Variants in LRSAM1 observed in about 807,000 individuals in gnomAD.
LRSAM1 encodes the protein E3 ubiquitin-protein ligase LRSAM1.
Under a neutral mutation model 118.1 loss-of-function variants are expected in LRSAM1, and 96 were observed. That is an observed-to-expected ratio of 0.81 (90% CI 0.69 to 0.96). The LOEUF (loss-of-function observed/expected upper bound fraction) is 0.96. Among genes scored for constraint, LRSAM1 ranks in the 40% least tolerant of loss-of-function variants. The pLI, the probability that LRSAM1 is intolerant of heterozygous loss-of-function variation, is 0.00. For missense variants in LRSAM1, 804 were observed against 915.5 expected (o/e 0.88, Z 1.57); for synonymous variants, 322 against 364.2 (o/e 0.88, Z 1.32).
At chr9:127,453,770 A>C (rs916266046) in intron 2 of LRSAM1, 3 of 153,210 alleles carry the variant, frequency 2.0e-5, no homozygotes, top group African/African-American at 7.2e-5. Flanking sequence ...CTCAATGTTT[A>C]GTCAACAAAG....
chr9:127,501,507 G>GGGCA (rs1836392360), intron 25 of LRSAM1, among the ~76,000 whole-genome samples: 1 of 152,058 alleles, frequency 6.6e-6, no homozygotes, highest in Non-Finnish European at 1.5e-5. Flanking sequence ...CAAGGCAGGT[G>GGGCA]GATCACCTGA....
chr9:127,455,023 T>G lies in LRSAM1; in HGVS notation c.98T>G (p.Ile33Ser), dbSNP rs1276292442. ...GCAAAAGAAGCTGGGGCAGATGACA[T>G]TCTCGACATCTCTAAATGTGAGCTC... ...CLAKEAGADDILDISKCELSE... is the reference protein window; with the variant it reads ...CLAKEAGADDSLDISKCELSE... The change falls in exon 4 of 26, where the codon ATT (isoleucine) becomes AGT (serine). Residue 33 changes from isoleucine (I) to serine (S), a missense_variant. By Grantham distance (142) the Ile-to-Ser change is moderately radical (BLOSUM62 -2). Transcript: ENST00000300417. 1.1e-5 allele frequency: 17 copies of G among 1,614,044 alleles called. No homozygotes were observed. Among genetic ancestry groups the G allele is most frequent in the Non-Finnish European group, 1.3e-5 (15 of 1,180,006 alleles).
At chr9:127,455,722 T>A (rs1311724612) in intron 5 of LRSAM1, 102 bp downstream of exon 5, 2 of 1,088,232 alleles carry the variant, frequency 1.8e-6, no homozygotes, top group Non-Finnish European at 2.8e-6. Flanking sequence ...AGACACCTCC[T>A]TTCTCTCTGC....
At chr9:127,497,810 T>A (rs1359637301) in intron 24 of LRSAM1, among the ~76,000 whole-genome samples, 2 of 151,990 alleles carry the variant, frequency 1.3e-5, no homozygotes, top group East Asian at 3.9e-4. Flanking sequence ...GAGTCTGGGG[T>A]CTGCCATGTG....
At chr9:127,477,352 C>T (rs1191588267) in intron 11 of LRSAM1, among the ~76,000 whole-genome samples, 1 of 152,114 alleles carries the variant, frequency 6.6e-6, no homozygotes, top group Non-Finnish European at 1.5e-5. Flanking sequence ...AATTATATTC[C>T]TACCATTAGT....
intron 24 of LRSAM1, among the ~76,000 whole-genome samples, chr9:127,500,374 AAG>A (rs1491410994): frequency 6.6e-5 from 10 of 150,732 alleles, no homozygotes; most frequent in African/African-American, 2.2e-4. Context: ...AAAAAAAAAA[AAG>A]AGACTTAGCA....
intron 7 of LRSAM1, among the ~76,000 whole-genome samples, chr9:127,459,699 C>T (rs1170587688): frequency 6.6e-6 from 1 of 151,954 alleles, no homozygotes; most frequent in Non-Finnish European, 1.5e-5. Context: ...TCTGGGATTA[C>T]AGGCACACGC....
intron 3 of LRSAM1, 68 bp downstream of exon 3, chr9:127,454,667 G>A (rs543119820): frequency 6.6e-5 from 98 of 1,490,668 alleles, no homozygotes; most frequent in South Asian, 4.1e-4. Flanking sequence ...GTAGGCCTCC[G>A]CACTGCCCCC....
intron 13 of LRSAM1, 50 bp from the exon 14 acceptor site, chr9:127,479,789 C>G: frequency 6.3e-7 from 1 of 1,597,600 alleles, no homozygotes; most frequent in South Asian, 1.1e-5. Flanking sequence ...GTACCCCTCA[C>G]GGCGTCTGAG....
At chr9:127,464,229 C>G (rs983952086) in intron 9 of LRSAM1, among the ~76,000 whole-genome samples, 2 of 152,202 alleles carry the variant, frequency 1.3e-5, no homozygotes, top group Non-Finnish European at 2.9e-5. Flanking sequence ...GAGAAAGGGC[C>G]GGCTGGGGAG....
At chr9:127,484,228 C>T (rs1444175793) in intron 16 of LRSAM1, among the ~76,000 whole-genome samples, 2 of 148,178 alleles carry the variant, frequency 1.3e-5, no homozygotes, top group East Asian at 3.9e-4. Flanking sequence ...TCCTCGGGTT[C>T]ATCCATGTTA....
At chr9:127,475,283 G>A (rs1442359686) in intron 11 of LRSAM1, among the ~76,000 whole-genome samples, 2 of 152,096 alleles carry the variant, frequency 1.3e-5, no homozygotes, top group African/African-American at 4.8e-5. Flanking sequence ...TTGAGGCCAG[G>A]AGTTTGAGAC....
chr9:127,465,461 C>T lies in LRSAM1; in HGVS notation c.529-2279C>T, dbSNP rs1286948827. The stretch of plus-strand genomic sequence containing the variant: ...CAGCATCCTGGTATAGCCCACAGTC[C>T]GTGCCCTTAAGCCACCACGCTTTAC... On this transcript the variant is annotated intron_variant, in intron 9 of 25. Transcript: ENST00000300417. This position sits in a 1 kb window ranked among gnomAD's most constrained non-coding sequence, Gnocchi z 4.1. 1.3e-5 allele frequency among the ~76,000 whole-genome samples: 2 copies of T among 152,250 alleles called. No homozygotes were observed. The highest frequency in any genetic ancestry group is 2.4e-5 in the African/African-American group (1 of 41,460).
intron 12 of LRSAM1, 133 bp downstream of exon 12, chr9:127,479,096 C>CAG: frequency 1.2e-6 from 1 of 862,066 alleles, no homozygotes; most frequent in Non-Finnish European, 1.7e-6. Context: ...CTCTTACACG[C>CAG]AGTCTGCTGC....
chr9:127,458,983 C>A lies in LRSAM1; in HGVS notation c.253-20C>A. On this transcript the variant is annotated intron_variant, in intron 6 of 25. Coordinates refer to ENST00000300417, the MANE Select transcript of LRSAM1 (RefSeq NM_001005373.4). ...AGGGACTTTCTCACTTGGAGACTCA[C>A]AGGGGTCTTTCTTCTGCAGGTTCTA... The A allele has an allele frequency of 1.9e-6, 3 of 1,613,208 alleles. 1 individual carries two copies. In the African/African-American group the frequency reaches 4.0e-5, roughly 22 times the overall value.
intron 25 of LRSAM1, 99 bp downstream of exon 25, chr9:127,501,242 C>G (rs1836381276): frequency 6.9e-7 from 1 of 1,447,964 alleles, no homozygotes; most frequent in African/African-American, 1.4e-5. Context: ...TTCTCCAGTT[C>G]TCTAAGTAGA....
At chr9:127,474,179 G>T (rs1835275292) in intron 11 of LRSAM1, among the ~76,000 whole-genome samples, 1 of 151,882 alleles carries the variant, frequency 6.6e-6, no homozygotes, top group Non-Finnish European at 1.5e-5. Flanking sequence ...AACTAACCAT[G>T]ATCCTTCCCT....
At chr9:127,494,802 G>A (rs922224789) in intron 21 of LRSAM1, among the ~76,000 whole-genome samples, 4 of 152,034 alleles carry the variant, frequency 2.6e-5, no homozygotes, top group Non-Finnish European at 5.9e-5. Context: ...AAAATTAGCC[G>A]GGCATGGTGG....
Position 127,495,436 on chromosome 9 carries a change from C to T in LRSAM1, c.1698+18C>T. The T allele has an allele frequency of 1.2e-6, 2 of 1,610,486 alleles. No individual in the cohort carries two copies. Among genetic ancestry groups the T allele is most frequent in the Non-Finnish European group, 1.7e-6 (2 of 1,177,516 alleles). On this transcript the variant is annotated intron_variant, in intron 22 of 25. Transcript: ENST00000300417. The stretch of plus-strand genomic sequence containing the variant: ...AGCTGCAAGTAAGGACTGCTGGTGC[C>T]TGTCCCGGCCAGGGAGCCCTGGGGA...
Sources: allele counts gnomAD v4.1 joint callset (sites outside exome capture counted in the v4.1 genomes callset), GRCh38; gene constraint gnomAD v4.1.1; non-coding constraint Gnocchi (gnomAD v3.1); transcripts MANE v1.5; gene names NCBI Gene and HGNC (gene_info 2026-07-23, HGNC 2026-07-21).